ZNF79: variants seen among roughly 807,000 people sequenced by gnomAD.
ZNF79 encodes the protein zinc finger protein 79.
A neutral mutation model predicts 14.9 loss-of-function variants in ZNF79; 13 were observed. The ratio of observed to expected loss-of-function variants is 0.87; its 90% CI spans 0.57 to 1.38. The LOEUF is 1.38. ZNF79 is among the 40% of genes most tolerant of loss of function. The probability of loss-of-function intolerance (pLI) is 0.00; values close to 1 mark genes in which losing one functional copy is unlikely to be tolerated. For synonymous variants in ZNF79, 223 were observed against 235.1 expected, an observed-to-expected ratio of 0.95 and a Z score of 0.47; for missense variants, 631 against 630.6, an observed-to-expected ratio of 1.00 and a Z score of -0.01.
At chr9:127,428,949 T>A in intron 2 of ZNF79, 29 bp downstream of exon 2, 1 of 1,469,974 alleles carries the variant, frequency 6.8e-7, no homozygotes, top group Non-Finnish European at 9.3e-7. Context: ...TTGGAAGGCA[T>A]CCTTTTCTTC....
intron 1 of ZNF79, among the ~76,000 whole-genome samples, chr9:127,426,777 T>G (rs540980072): frequency 3.9e-5 from 6 of 152,302 alleles, no homozygotes; most frequent in East Asian, 3.9e-4. Context: ...CAGTGAATTT[T>G]TGTGTGTGTG....
rs575416075 is a variant in ZNF79 at position 127,428,603 on chromosome 9, GT to G, written c.17-228del. On this transcript the variant is annotated intron_variant, in intron 1 of 4. Transcript: ENST00000342483. ...TACGTGATTTGCACACTGCTGCTGA[GT>G]GGTGGATCATGGATACTTGAGAGTC... is the stretch of plus-strand genomic sequence containing the variant. The G allele has an allele frequency of 1.8e-4, 206 of 1,141,854 alleles. No homozygotes were observed. The South Asian group carries it at 4.2e-3, about 24-fold the overall frequency. The allele number at this position is 1,141,854 out of a possible 1,614,324, so 70.7% of individuals were successfully genotyped here.
At position 127,444,985 on chromosome 9, in the gene ZNF79, A is replaced by C; in HGVS notation, c.1285A>C (p.Ser429Arg). 1 of 1,614,210 alleles carries C rather than the reference A, an allele frequency of 6.2e-7. No homozygotes were observed. The highest frequency in any genetic ancestry group is 8.5e-7 in the Non-Finnish European group (1 of 1,180,034). ...CNECGKFFSE[S>R]SALIRHHIIH... ...TGAATGTGGGAAATTCTTCAGTGAG[A>C]GCTCAGCCCTCATTCGGCATCATAT... Residue 429 changes from serine (S) to arginine (R), a missense_variant, in exon 5 of 5, where the codon AGC becomes CGC. Transcript: ENST00000342483.
chr9:127,430,408 A>C (rs974897302), intron 2 of ZNF79, among the ~76,000 whole-genome samples: 1 of 152,110 alleles, frequency 6.6e-6, no homozygotes, highest in African/African-American at 2.4e-5. Flanking sequence ...TTTTCAGCTG[A>C]TGCCCCCTTT....
At chr9:127,427,942 A>C (rs927619692) in intron 1 of ZNF79, among the ~76,000 whole-genome samples, 1 of 151,444 alleles carries the variant, frequency 6.6e-6, no homozygotes, top group African/African-American at 2.4e-5. Context: ...GCCTAATCCA[A>C]CCTCTCAAAG....
chr9:127,438,444 C>T (rs1032820224), intron 4 of ZNF79, among the ~76,000 whole-genome samples: 10 of 152,192 alleles, frequency 6.6e-5, no homozygotes, highest in Non-Finnish European at 1.0e-4. Flanking sequence ...CCTGGGCCGC[C>T]GCCCTGCAGG....
chr9:127,428,169 C>CG (rs1833795034), intron 1 of ZNF79, among the ~76,000 whole-genome samples: 1 of 150,730 alleles, frequency 6.6e-6, no homozygotes, highest in African/African-American at 2.4e-5. Context: ...TTAATAGAGA[C>CG]GGGGTCTCGC....
chr9:127,426,364 A>G (rs894730553), intron 1 of ZNF79, among the ~76,000 whole-genome samples: 1 of 148,706 alleles, frequency 6.7e-6, no homozygotes, highest in African/African-American at 2.5e-5. Context: ...TGGACTCATA[A>G]TATGTGACTT....
chr9:127,434,751 C>A lies in ZNF79; in HGVS notation c.106-339C>A, dbSNP rs932258159. ...GCAACCTCTGCCTCCCGGGTTCAAGCAATTCTTCTGCCTCAGCCTCCTGAG... is the reference window on the plus strand; with the variant it reads ...GCAACCTCTGCCTCCCGGGTTCAAGAAATTCTTCTGCCTCAGCCTCCTGAG... On this transcript the variant is annotated intron_variant, in intron 2 of 4. Coordinates refer to ENST00000342483, the MANE Select transcript of ZNF79 (RefSeq NM_007135.3). Among the ~76,000 whole-genome samples, 3 of 152,158 alleles carry A rather than the reference C, an allele frequency of 2.0e-5. No individual in the cohort carries two copies. The East Asian group carries it at 5.8e-4, about 29-fold the overall frequency.
rs112600999 is a variant in ZNF79 at position 127,442,865 on chromosome 9, C to CTG, written c.329-1145_329-1144dup. On this transcript the variant is annotated intron_variant, in intron 4 of 4. Coordinates refer to ENST00000342483, the MANE Select transcript of ZNF79 (RefSeq NM_007135.3). The stretch of plus-strand genomic sequence containing the variant: ...TGACAGTGAGATCCTGTCTCAAAAT[C>CTG]TGTGTGTGTGTGTGTGTGTGGCACT... Among the ~76,000 whole-genome samples, 1,108 of 149,476 alleles carry CTG rather than the reference C, an allele frequency of 7.4e-3. 12 individuals carry two copies. Among genetic ancestry groups the CTG allele is most frequent in the East Asian group, 0.044 (224 of 5,094 alleles).
rs375093261 is a variant in ZNF79, at chr9:127,428,963, C to T, written c.105+43C>T. ...TTTGGAAGGCATCCTTTTCTTCCCC[C>T]CTAATACTAATGGTAGGGTTGCCTT... On this transcript the variant is annotated intron_variant, in intron 2 of 4. Coordinates refer to ENST00000342483, the MANE Select transcript of ZNF79 (RefSeq NM_007135.3). 2.4e-5 allele frequency: 32 copies of T among 1,335,954 alleles called. No individual in the cohort carries two copies. In the African/African-American group the frequency reaches 3.7e-4, roughly 16 times the overall value. 82.8% of individuals were successfully genotyped at this position (1,335,954 alleles called of 1,614,324 possible).
At chr9:127,431,297 C>T (rs1169293316) in intron 2 of ZNF79, among the ~76,000 whole-genome samples, 2 of 150,946 alleles carry the variant, frequency 1.3e-5, no homozygotes, top group Non-Finnish European at 2.9e-5. Flanking sequence ...CACTCTGTCA[C>T]CCAGTCTGGA....
chr9:127,439,625 T>C (rs1834015298), intron 4 of ZNF79, among the ~76,000 whole-genome samples: 1 of 152,200 alleles, frequency 6.6e-6, no homozygotes, highest in South Asian at 2.1e-4. Context: ...TCCCTGCTGC[T>C]CACTTTAGGG....
At chr9:127,435,339 T>C in intron 3 of ZNF79, 123 bp downstream of exon 3, 1 of 1,206,536 alleles carries the variant, frequency 8.3e-7, no homozygotes, top group Non-Finnish European at 1.1e-6. Flanking sequence ...TTTATTCCTC[T>C]TGTTCTCTTG....
At position 127,424,757 on chromosome 9, in the gene ZNF79, C is replaced by A; in HGVS notation, c.-31C>A. 3 of 1,613,602 alleles carry A rather than the reference C, an allele frequency of 1.9e-6. No individual in the cohort carries two copies. Among genetic ancestry groups the A allele is most frequent in the African/African-American group, 2.7e-5 (2 of 74,972 alleles). On this transcript the variant is annotated 5_prime_UTR_variant, in exon 1 of 5. In the 5' UTR this introduces an upstream ATG that the reference lacks. Transcript: ENST00000342483. ...ATAGACCCTTACGCCCAGAGAACTGCTGGGAGGCTGTGGCGCGAGGCGGGA... is the reference window on the plus strand; with the variant it reads ...ATAGACCCTTACGCCCAGAGAACTGATGGGAGGCTGTGGCGCGAGGCGGGA...
At chr9:127,443,913 A>AG (rs916573839) in intron 4 of ZNF79, 116 bp from the exon 5 acceptor site, 27 of 898,898 alleles carry the variant, frequency 3.0e-5, no homozygotes, top group Non-Finnish European at 3.6e-5. Context: ...AAAAAAAAAA[A>AG]AAAAAAAAAG....
intron 1 of ZNF79, among the ~76,000 whole-genome samples, chr9:127,425,563 C>G (rs773160904): frequency 1.3e-5 from 2 of 152,054 alleles, no homozygotes; most frequent in Admixed American, 6.6e-5. Flanking sequence ...TCCCCAAGAT[C>G]AAGAGGTCCT....
intron 2 of ZNF79, among the ~76,000 whole-genome samples, chr9:127,430,871 T>C (rs902587034): frequency 1.3e-4 from 20 of 152,256 alleles, no homozygotes; most frequent in African/African-American, 4.8e-4. Flanking sequence ...CCGGAGTGAC[T>C]GAACTAATTT....
chr9:127,424,891 T>A, intron 1 of ZNF79, 88 bp downstream of exon 1: 1 of 1,588,634 alleles, frequency 6.3e-7, no homozygotes, highest in Non-Finnish European at 8.6e-7. Flanking sequence ...GAATCAGAAC[T>A]CTCTTTATCT....
Sources: allele counts gnomAD v4.1 joint callset (sites outside exome capture counted in the v4.1 genomes callset), GRCh38; gene constraint gnomAD v4.1.1; transcripts MANE v1.5; gene names NCBI Gene and HGNC (gene_info 2026-07-23, HGNC 2026-07-21).